IL1RAPL2: variants seen among roughly 807,000 people sequenced by gnomAD.
The protein encoded by IL1RAPL2 is X-linked interleukin-1 receptor accessory protein-like 2.
Under a neutral mutation model 44.1 loss-of-function variants are expected in IL1RAPL2, and 3 were observed. The ratio of observed to expected loss-of-function variants is 0.07; its 90% CI spans 0.03 to 0.18. The LOEUF is 0.18. Among genes scored for constraint, IL1RAPL2 ranks in the 10% least tolerant of loss-of-function variants. IL1RAPL2 has a pLI of 1.00. For synonymous variants in IL1RAPL2, 181 were observed against 178.8 expected, an observed-to-expected ratio of 1.01 and a Z score of -0.10; for missense variants, 391 against 496.4, an observed-to-expected ratio of 0.79 and a Z score of 2.02.
At chrX:105,256,804 T>C (rs897967481) in intron 4 of IL1RAPL2, among the ~76,000 whole-genome samples, 2 of 111,511 alleles carry the variant, frequency 1.8e-5, no homozygotes, top group African/African-American at 3.3e-5. Context: ...TTCTGTGGGG[T>C]CAGCAGTAAC....
chrX:104,819,232 A>G (rs1921233321), intron 2 of IL1RAPL2, among the ~76,000 whole-genome samples: 1 of 112,486 alleles, frequency 8.9e-6, no homozygotes, highest in Non-Finnish European at 1.9e-5. Flanking sequence ...GTTTAATACT[A>G]CAACACAGCA....
At chrX:104,802,447 A>C (rs1331200718) in intron 2 of IL1RAPL2, among the ~76,000 whole-genome samples, 1 of 110,915 alleles carries the variant, frequency 9.0e-6, no homozygotes, top group African/African-American at 3.3e-5. Context: ...GATAGAACTG[A>C]TTTGTACGCT....
chrX:104,612,177 C>T (rs1487016918), intron 1 of IL1RAPL2, among the ~76,000 whole-genome samples: 1 of 111,937 alleles, frequency 8.9e-6, no homozygotes, highest in African/African-American at 3.2e-5. Flanking sequence ...TGTGCAGAAG[C>T]TGTTTAGTTT....
intron 2 of IL1RAPL2, among the ~76,000 whole-genome samples, chrX:105,086,050 A>G (rs2032475426): frequency 9.0e-6 from 1 of 111,220 alleles, no homozygotes; most frequent in Admixed American, 9.6e-5. Context: ...AGTTGGAGGA[A>G]CATCTCTATA....
At chrX:104,659,972 A>G (rs926837250) in intron 2 of IL1RAPL2, among the ~76,000 whole-genome samples, 2 of 111,813 alleles carry the variant, frequency 1.8e-5, no homozygotes, top group African/African-American at 6.5e-5. Flanking sequence ...TTTGTCTTCA[A>G]TTGATAGCAT....
intron 2 of IL1RAPL2, among the ~76,000 whole-genome samples, chrX:105,064,150 T>A (rs1342761570): frequency 8.9e-6 from 1 of 112,409 alleles, no homozygotes. Flanking sequence ...ACCCCAGGAC[T>A]CAGGCAGGTC....
intron 2 of IL1RAPL2, among the ~76,000 whole-genome samples, chrX:104,920,395 C>T (rs2147691105): frequency 9.1e-6 from 1 of 110,075 alleles, no homozygotes; most frequent in Admixed American, 9.7e-5. Context: ...TTATGATCCC[C>T]AGTGTTAGAG....
chrX:105,340,988 T>C (rs1231772499), intron 5 of IL1RAPL2, among the ~76,000 whole-genome samples: 2 of 108,414 alleles, frequency 1.8e-5, no homozygotes, highest in African/African-American at 3.6e-5. Flanking sequence ...AATGAATACA[T>C]GAATTGTATT....
At chrX:105,212,386 G>A (rs1002032017) in intron 3 of IL1RAPL2, among the ~76,000 whole-genome samples, 47 of 111,858 alleles carry the variant, frequency 4.2e-4, no homozygotes, top group African/African-American at 9.4e-4. Context: ...GTGGCAAAGC[G>A]GCTGTGGCCA....
At chrX:105,232,663 T>C (rs1229679427) in intron 3 of IL1RAPL2, among the ~76,000 whole-genome samples, 1 of 112,087 alleles carries the variant, frequency 8.9e-6, no homozygotes, top group Non-Finnish European at 1.9e-5. Flanking sequence ...GGATTATACA[T>C]AGAAAAATAA....
intron 2 of IL1RAPL2, among the ~76,000 whole-genome samples, chrX:105,181,087 G>A (rs912445289): frequency 1.8e-5 from 2 of 111,561 alleles, no homozygotes; most frequent in African/African-American, 3.3e-5. Context: ...AGGACTTTAT[G>A]TATTTCCTCT....
chrX:105,582,990 G>A (rs1387535230), intron 6 of IL1RAPL2, among the ~76,000 whole-genome samples: 1 of 110,568 alleles, frequency 9.0e-6, no homozygotes, highest in African/African-American at 3.3e-5. Flanking sequence ...CATAAGTTGG[G>A]AAGTTCTCAT....
intron 2 of IL1RAPL2, among the ~76,000 whole-genome samples, chrX:104,933,658 C>A (rs1392998962): frequency 1.8e-5 from 2 of 111,543 alleles, no homozygotes; most frequent in Non-Finnish European, 3.8e-5. Context: ...TCCATCAGTT[C>A]TGATTATCAA....
intron 6 of IL1RAPL2, among the ~76,000 whole-genome samples, chrX:105,544,830 T>G (rs2036778083): frequency 9.0e-6 from 1 of 111,441 alleles, no homozygotes; most frequent in South Asian, 3.8e-4. Flanking sequence ...CAGTTAAATA[T>G]TTTTTGTGTG....
chrX:104,694,888 A>G (rs1931151875), intron 2 of IL1RAPL2, among the ~76,000 whole-genome samples: 1 of 112,280 alleles, frequency 8.9e-6, no homozygotes, highest in South Asian at 3.7e-4. Flanking sequence ...TCTGCCACGC[A>G]GTGACCATAT....
At chrX:104,939,737 T>G (rs1925117669) in intron 2 of IL1RAPL2, among the ~76,000 whole-genome samples, 1 of 111,556 alleles carries the variant, frequency 9.0e-6, no homozygotes, top group Non-Finnish European at 1.9e-5. Context: ...ATATGGTAGG[T>G]CTGTATAATG....
intron 2 of IL1RAPL2, among the ~76,000 whole-genome samples, chrX:105,031,682 C>G (rs1421311487): frequency 5.4e-5 from 6 of 111,767 alleles, no homozygotes; most frequent in Non-Finnish European, 1.1e-4. Context: ...CAATGTTTAT[C>G]AATGATATTG....
intron 2 of IL1RAPL2, among the ~76,000 whole-genome samples, chrX:104,888,394 C>T (rs191886025): frequency 4.1e-4 from 45 of 110,364 alleles, no homozygotes; most frequent in Middle Eastern, 9.4e-3. Flanking sequence ...AAGAGAGAGA[C>T]GAAGAAGTCA....
chrX:104,902,955 T>C (rs1025178606), intron 2 of IL1RAPL2, among the ~76,000 whole-genome samples: 1 of 111,810 alleles, frequency 8.9e-6, no homozygotes, highest in Non-Finnish European at 1.9e-5. Context: ...GACTACTCTT[T>C]AAAAGAGTAT....
Sources: gnomAD v4.1 joint callset for allele counts (sites outside exome capture counted in the v4.1 genomes callset) on GRCh38, gnomAD v4.1.1 for gene constraint, MANE v1.5 for transcripts, NCBI Gene and HGNC (gene_info 2026-07-23, HGNC 2026-07-21) for gene names.